Variants in COL4A4 observed in about 807,000 individuals in gnomAD.
COL4A4 encodes collagen type IV alpha 4 chain, also known as collagen alpha-4(IV) chain.
Under a neutral mutation model 192.9 loss-of-function variants are expected in COL4A4, and 105 were observed. The observed-to-expected ratio is 0.54, with a 90% CI of 0.46 to 0.64. COL4A4 has a LOEUF of 0.64. COL4A4 is among the 30% of genes least tolerant of loss of function. The pLI is 0.00. For synonymous variants in COL4A4, 762 were observed against 769.9 expected, an observed-to-expected ratio of 0.99 and a Z score of 0.17; for missense variants, 1,967 against 2,169.3, an observed-to-expected ratio of 0.91 and a Z score of 1.85.
At chr2:227,138,624 C>T (rs2062986147) in intron 4 of COL4A4, among the ~76,000 whole-genome samples, 1 of 141,002 alleles carries the variant, frequency 7.1e-6, no homozygotes, top group African/African-American at 2.8e-5. Flanking sequence ...CAGAGCGAGA[C>T]TCTGTCTCAA....
At chr2:226,997,772 G>A (rs984240433), downstream of COL4A4, 1 of 152,200 alleles carries the variant, frequency 6.6e-6, no homozygotes, top group Non-Finnish European at 1.5e-5. Flanking sequence ...TTAGTGATGT[G>A]AGAAAGGTCA....
chr2:227,112,622 C>T (rs1201852673), intron 8 of COL4A4, among the ~76,000 whole-genome samples: 2 of 152,118 alleles, frequency 1.3e-5, no homozygotes, highest in African/African-American at 4.8e-5. Flanking sequence ...ACTTAAGTGG[C>T]ATTAAGTACA....
At chr2:227,129,628 C>T (rs778371628) in intron 4 of COL4A4, among the ~76,000 whole-genome samples, 6 of 152,042 alleles carry the variant, frequency 3.9e-5, no homozygotes, top group Admixed American at 6.6e-5. Context: ...AGGCTGGTCT[C>T]GAACTCCCGA....
intron 44 of COL4A4, among the ~76,000 whole-genome samples, chr2:227,012,902 A>C (rs918330322): frequency 1.3e-5 from 2 of 152,176 alleles, no homozygotes; most frequent in African/African-American, 4.8e-5. Context: ...GTACTCATAC[A>C]TGCCAGTTAT....
chr2:227,092,894 T>G (rs1388193774), intron 20 of COL4A4, among the ~76,000 whole-genome samples: 1 of 152,128 alleles, frequency 6.6e-6, no homozygotes, highest in Admixed American at 6.5e-5. Flanking sequence ...AATGCTGAAT[T>G]GGAAAAATTG....
intron 28 of COL4A4, among the ~76,000 whole-genome samples, chr2:227,058,320 G>A (rs1338586575): frequency 6.6e-6 from 1 of 152,116 alleles, no homozygotes; most frequent in Non-Finnish European, 1.5e-5. Flanking sequence ...TTCCTCTGCT[G>A]TGGATAATAC....
chr2:227,071,242 G>T (rs1398111644), intron 25 of COL4A4, among the ~76,000 whole-genome samples: 1 of 152,084 alleles, frequency 6.6e-6, no homozygotes, highest in Non-Finnish European at 1.5e-5. Context: ...AGGCAGCAGG[G>T]ATAGCTATTC....
Position 227,088,835 on chromosome 2 carries a change from G to A in COL4A4, c.1460-19C>T. 1.9e-6 allele frequency: 3 copies of A among 1,613,778 alleles called. No homozygotes were observed. The highest frequency in any genetic ancestry group is 1.7e-6 in the Non-Finnish European group (2 of 1,179,838). On this transcript the variant is annotated intron_variant, in intron 21 of 47. Coordinates refer to ENST00000396625, the MANE Select transcript of COL4A4 (RefSeq NM_000092.5). ...TCATTTCCTAGACAGAGGATCAATG[G>A]CAGATTTGTCATATTTCCTGAATAA... is the stretch of plus-strand genomic sequence containing the variant.
At chr2:227,097,285 T>G (rs1300135719) in intron 19 of COL4A4, among the ~76,000 whole-genome samples, 10 of 152,342 alleles carry the variant, frequency 6.6e-5, no homozygotes, top group African/African-American at 2.2e-4. Context: ...GCATTAAATT[T>G]TTTTTATTAT....
At chr2:226,982,998 A>G in the COL4A4 span, among the ~76,000 whole-genome samples, 1 of 152,254 alleles carries the variant, frequency 6.6e-6, no homozygotes, top group Admixed American at 6.5e-5. Flanking sequence ...AGCATAACCT[A>G]GGAAACTACC....
intron 1 of COL4A4, among the ~76,000 whole-genome samples, chr2:227,162,356 G>A (rs754638049): frequency 2.0e-5 from 3 of 152,224 alleles, no homozygotes; most frequent in Non-Finnish European, 2.9e-5. Context: ...TTGGCAAAGA[G>A]AAGCATTTAA....
In COL4A4 at chr2:227,039,413, C is replaced by T. The variant is rs139391311; in HGVS notation, c.3505+2735G>A. 2.1e-3 allele frequency among the ~76,000 whole-genome samples: 318 copies of T among 152,284 alleles called. 2 individuals are homozygous for T. The highest frequency in any genetic ancestry group is 3.5e-3 in the Non-Finnish European group (235 of 68,018). ...CTCGAACTCCTGACCTCAGCTGATC[C>T]GCCTGCCTCAGCCTCCCACAGTGCT... On this transcript the variant is annotated intron_variant, in intron 37 of 47. Transcript: ENST00000396625.
In COL4A4 at chr2:227,030,532, C is replaced by A. The variant is rs1367092134; in HGVS notation, c.3884G>T (p.Gly1295Val). 6.2e-7 allele frequency: 1 copy of A among 1,614,054 alleles called. No homozygotes were observed. Among genetic ancestry groups the A allele is most frequent in the Non-Finnish European group, 8.5e-7 (1 of 1,179,966 alleles). Residue 1295 changes from glycine (G) to valine (V), a missense_variant, in exon 41 of 48, where the codon GGT (glycine) becomes GTT (valine). Gly to Val is a moderately radical substitution (Grantham distance 109, BLOSUM62 -3). Transcript: ENST00000396625. ...AGGGGGACCTGGTGGCCCTGGTAGA[C>A]CACAGTCACCTGGCTCCCCTCTCAG... is the stretch of plus-strand genomic sequence containing the variant. ...DLLRGEPGDCGLPGPPGPPGP... is the reference protein window; with the variant it reads ...DLLRGEPGDCVLPGPPGPPGP...
chr2:226,967,759 A>G, the COL4A4 span, among the ~76,000 whole-genome samples: 1 of 151,942 alleles, frequency 6.6e-6, no homozygotes, highest in Non-Finnish European at 1.5e-5. Context: ...CCCAAGAGGC[A>G]TTTGCAAATG....
intron 37 of COL4A4, among the ~76,000 whole-genome samples, chr2:227,041,916 A>AAGAAAG (rs1553633585): frequency 3.6e-4 from 54 of 150,838 alleles, no homozygotes; most frequent in Non-Finnish European, 6.2e-4. Context: ...GAAAGAAAGA[A>AAGAAAG]AGAAAGAAAA....
chr2:227,001,106 T>C (rs1202223259), downstream of COL4A4, among the ~76,000 whole-genome samples: 1 of 151,838 alleles, frequency 6.6e-6, no homozygotes, highest in Non-Finnish European at 1.5e-5. Flanking sequence ...TTTTCTTTTT[T>C]TTTTTTGAGA....
At chr2:227,001,555 T>C (rs185790003), downstream of COL4A4, among the ~76,000 whole-genome samples, 1 of 152,288 alleles carries the variant, frequency 6.6e-6, no homozygotes, top group East Asian at 1.9e-4. Flanking sequence ...GACCCTCTAT[T>C]TTCTAACCAA....
intron 20 of COL4A4, among the ~76,000 whole-genome samples, chr2:227,091,954 A>G (rs975440545): frequency 9.9e-5 from 15 of 151,930 alleles, no homozygotes; most frequent in African/African-American, 1.4e-4. Flanking sequence ...AAGAAAAGAC[A>G]TGACATGAAA....
At chr2:227,031,694 T>A (rs1160744519) in intron 40 of COL4A4, among the ~76,000 whole-genome samples, 1 of 152,168 alleles carries the variant, frequency 6.6e-6, no homozygotes, top group Non-Finnish European at 1.5e-5. Context: ...TATCAGTTTC[T>A]AGCCTGAAGA....
Sources: allele counts gnomAD v4.1 joint callset (sites outside exome capture counted in the v4.1 genomes callset), GRCh38; gene constraint gnomAD v4.1.1; transcripts MANE v1.5; gene names NCBI Gene and HGNC (gene_info 2026-07-23, HGNC 2026-07-21).